KIAA0825: variants seen among roughly 807,000 people sequenced by gnomAD.
The protein encoded by KIAA0825 is KIAA0825.
In KIAA0825, 119 loss-of-function variants were observed where a neutral mutation model predicts 147.6. The ratio of observed to expected loss-of-function variants is 0.81; its 90% CI spans 0.69 to 0.94. KIAA0825 has a LOEUF of 0.94. KIAA0825 is among the 40% of genes least tolerant of loss of function. The probability of loss-of-function intolerance (pLI) is 0.00; values close to 1 mark genes in which losing one functional copy is unlikely to be tolerated. For missense variants in KIAA0825, 1,381 were observed against 1,472.7 expected, an observed-to-expected ratio of 0.94 and a Z score of 1.02; for synonymous variants, 470 against 518.1, an observed-to-expected ratio of 0.91 and a Z score of 1.26.
At chr5:94,492,632 G>A (rs1433128459) in intron 5 of KIAA0825, among the ~76,000 whole-genome samples, 1 of 152,136 alleles carries the variant, frequency 6.6e-6, no homozygotes, top group Non-Finnish European at 1.5e-5. Flanking sequence ...TGGTACATTT[G>A]GGGTATCACT....
At chr5:94,455,965 G>T (rs908079677) in intron 12 of KIAA0825, among the ~76,000 whole-genome samples, 1 of 152,270 alleles carries the variant, frequency 6.6e-6, no homozygotes, top group East Asian at 1.9e-4. Flanking sequence ...GCCCAAGAAA[G>T]TGAGGGTATG....
At chr5:94,183,758 C>T (rs2149983227) in intron 20 of KIAA0825, among the ~76,000 whole-genome samples, 1 of 152,340 alleles carries the variant, frequency 6.6e-6, no homozygotes, top group Admixed American at 6.5e-5. Context: ...AGCTTTTGTG[C>T]TCAGGCAGGA....
intron 3 of KIAA0825, among the ~76,000 whole-genome samples, chr5:94,529,409 T>TATATGTATATATCATATGTATATCTC (rs1770286436): frequency 3.4e-5 from 5 of 147,544 alleles, no homozygotes; most frequent in Non-Finnish European, 7.4e-5. Flanking sequence ...GTATATCTCA[T>TATATGTATATATCATATGTATATCTC]ATATGTATAT....
At chr5:94,498,883 C>T (rs912643416) in intron 5 of KIAA0825, among the ~76,000 whole-genome samples, 1 of 152,160 alleles carries the variant, frequency 6.6e-6, no homozygotes, top group Non-Finnish European at 1.5e-5. Context: ...CTAGCTTGCC[C>T]TTCTTTACAC....
At chr5:94,593,626 G>A in intron 1 of KIAA0825, 2 of 481,614 alleles carry the variant, frequency 4.2e-6, no homozygotes, top group South Asian at 4.6e-5. Flanking sequence ...CAACGAGTAA[G>A]CCCTGGTAGT....
At chr5:94,497,870 C>T (rs527478184) in intron 5 of KIAA0825, among the ~76,000 whole-genome samples, 6 of 152,334 alleles carry the variant, frequency 3.9e-5, no homozygotes, top group African/African-American at 1.2e-4. Context: ...TTAGAAACCA[C>T]ACTCTGAGCA....
intron 20 of KIAA0825, among the ~76,000 whole-genome samples, chr5:94,305,783 A>C (rs1224469990): frequency 2.2e-4 from 34 of 151,964 alleles, no homozygotes; most frequent in Non-Finnish European, 1.2e-4. Context: ...GAGACTCAGT[A>C]ACTTATTTGT....
At position 94,211,586 on chromosome 5, in the gene KIAA0825, C is replaced by T. The variant is rs146657214; in HGVS notation, c.3711-57462G>A. The stretch of plus-strand genomic sequence containing the variant: ...GTATTTCCAGCTTCCTCTATTAAAA[C>T]ACGCTAGATCTTTTACTTCTCCTTC... On this transcript the variant is annotated intron_variant, in intron 20 of 20. Transcript: ENST00000682413. Among the ~76,000 whole-genome samples, 78 of 152,290 alleles carry T rather than the reference C, an allele frequency of 5.1e-4. No individual in the cohort carries two copies. The East Asian group carries it at 8.5e-3, about 17-fold the overall frequency.
chr5:94,617,160 T>C (rs1790754710), intron 1 of KIAA0825, among the ~76,000 whole-genome samples: 1 of 152,200 alleles, frequency 6.6e-6, no homozygotes, highest in South Asian at 2.1e-4. Context: ...GTATTAATGA[T>C]TGGCTACATT....
chr5:94,442,213 C>G (rs1584502529), intron 13 of KIAA0825, among the ~76,000 whole-genome samples: 1 of 152,168 alleles, frequency 6.6e-6, no homozygotes, highest in African/African-American at 2.4e-5. Context: ...AAGCACCTCC[C>G]CCTTGGCTTG....
intron 20 of KIAA0825, among the ~76,000 whole-genome samples, chr5:94,219,380 G>T (rs1773488208): frequency 6.6e-6 from 1 of 152,144 alleles, no homozygotes. Context: ...CTCACCTCCT[G>T]CTGTGTGGCC....
intron 2 of KIAA0825, among the ~76,000 whole-genome samples, chr5:94,545,035 A>G (rs73145084): frequency 0.18 from 27,095 of 151,628 alleles, 3,762 homozygotes; most frequent in African/African-American, 0.39. Context: ...ATGCACTTAG[A>G]AGAGGGAGAG....
chr5:94,304,555 C>T (rs1364509238), intron 20 of KIAA0825, among the ~76,000 whole-genome samples: 1 of 152,016 alleles, frequency 6.6e-6, no homozygotes, highest in Non-Finnish European at 1.5e-5. Context: ...TCCCCTTTCA[C>T]CACAGTTTCA....
intron 13 of KIAA0825, among the ~76,000 whole-genome samples, chr5:94,446,744 AGCCATAAGTAT>A (rs1757778115): frequency 6.6e-6 from 1 of 152,178 alleles, no homozygotes; most frequent in South Asian, 2.1e-4. Context: ...ATGGAAGGTA[AGCCATAAGTAT>A]GCCATGATAA....
chr5:94,425,741 A>G (rs1316671741), intron 14 of KIAA0825, among the ~76,000 whole-genome samples: 1 of 152,152 alleles, frequency 6.6e-6, no homozygotes, highest in Non-Finnish European at 1.5e-5. Context: ...CCAACAGTGT[A>G]TGTGTTCCCT....
intron 8 of KIAA0825, among the ~76,000 whole-genome samples, chr5:94,472,617 G>T (rs900801942): frequency 2.0e-5 from 3 of 152,078 alleles, no homozygotes; most frequent in Admixed American, 2.0e-4. Context: ...GGTAGCGGGC[G>T]CCTTTAGTCC....
chr5:94,386,110 T>C (rs2150533098), intron 19 of KIAA0825, 132 bp downstream of exon 19: 1 of 708,574 alleles, frequency 1.4e-6, no homozygotes. Context: ...GTACAGACCA[T>C]GTAAATAAGA....
intron 20 of KIAA0825, among the ~76,000 whole-genome samples, chr5:94,357,913 TAA>T (rs797020446): frequency 1.3e-4 from 18 of 138,216 alleles, no homozygotes; most frequent in Non-Finnish European, 1.1e-4. Flanking sequence ...AGAGTAACAT[TAA>T]AAAAAAAAAA....
At chr5:94,290,560 T>A (rs776852728) in intron 20 of KIAA0825, among the ~76,000 whole-genome samples, 7 of 152,192 alleles carry the variant, frequency 4.6e-5, no homozygotes, top group Non-Finnish European at 1.0e-4. Flanking sequence ...TGGTTCCAAG[T>A]CTTTGCTATT....
Sources: gnomAD v4.1 joint callset for allele counts (sites outside exome capture counted in the v4.1 genomes callset) on GRCh38, gnomAD v4.1.1 for gene constraint, MANE v1.5 for transcripts, NCBI Gene and HGNC (gene_info 2026-07-23, HGNC 2026-07-21) for gene names.